WASF3: variants seen among roughly 807,000 people sequenced by gnomAD.
WASF3 encodes actin-binding protein WASF3.
A neutral mutation model predicts 46.6 loss-of-function variants in WASF3; 11 were observed. The observed-to-expected ratio is 0.24, with a 90% CI of 0.15 to 0.39. The LOEUF is 0.39. Ranked by LOEUF, WASF3 falls within the 10% of genes least tolerant of loss-of-function variation. The probability of loss-of-function intolerance (pLI) is 1.00; values close to 1 mark genes in which losing one functional copy is unlikely to be tolerated. For missense variants in WASF3, 576 were observed against 669.8 expected (o/e 0.86, Z 1.55); for synonymous variants, 242 against 259.7 (o/e 0.93, Z 0.65).
chr13:26,553,975 C>A (rs898655210), upstream of WASF3, among the ~76,000 whole-genome samples: 1 of 151,894 alleles, frequency 6.6e-6, no homozygotes, highest in Non-Finnish European at 1.5e-5. Flanking sequence ...GAAAACCTCC[C>A]CAAAACTTTT....
intron 1 of WASF3, among the ~76,000 whole-genome samples, chr13:26,583,871 AAGTAG>A (rs1880054225): frequency 6.6e-6 from 1 of 152,200 alleles, no homozygotes; most frequent in African/African-American, 2.4e-5. Flanking sequence ...GTTGCCACTC[AAGTAG>A]CCCAAAAAGG....
At chr13:26,557,540 G>T (rs182904328), upstream of WASF3, among the ~76,000 whole-genome samples, 1 of 152,108 alleles carries the variant, frequency 6.6e-6, no homozygotes, top group African/African-American at 2.4e-5. Flanking sequence ...CGCTCAGCGC[G>T]CTCGCCGGCT....
intron 2 of WASF3, among the ~76,000 whole-genome samples, chr13:26,630,728 T>G (rs1016919399): frequency 6.6e-6 from 1 of 152,248 alleles, no homozygotes; most frequent in African/African-American, 2.4e-5. Flanking sequence ...CCTTGAGGAA[T>G]CACCACACTG....
At chr13:26,623,910 A>T (rs1881386994) in intron 2 of WASF3, among the ~76,000 whole-genome samples, 1 of 152,228 alleles carries the variant, frequency 6.6e-6, no homozygotes, top group South Asian at 2.1e-4. Context: ...GGGGATTTTG[A>T]TGCTTGGTGT....
chr13:26,635,338 A>C (rs1370760632), intron 2 of WASF3, among the ~76,000 whole-genome samples: 1 of 152,186 alleles, frequency 6.6e-6, no homozygotes, highest in African/African-American at 2.4e-5. Context: ...CAGCTCCATC[A>C]GGTCATTTAA....
Position 26,685,735 on chromosome 13 carries a change from C to T in WASF3, c.1399C>T (p.Arg467Trp), listed in dbSNP as rs758369538. 5.7e-5 allele frequency: 92 copies of T among 1,612,304 alleles called. 1 individual carries two copies. Among genetic ancestry groups the T allele is most frequent in the Admixed American group, 1.0e-4 (6 of 59,944 alleles). ...VQEQREQEAKREPVGNDVATI... is the reference protein window; with the variant it reads ...VQEQREQEAKWEPVGNDVATI... ...GGAGCAGCGGGAGCAGGAGGCCAAG[C>T]GGGAGCCAGTGGGGAATGACGTGGC... The change falls in exon 10 of 10, where the codon CGG becomes TGG. Residue 467 changes from arginine (R) to tryptophan (W), a missense_variant. By Grantham distance (101) the Arg-to-Trp change is moderately radical. This residue lies in a region of WASF3 where 68 missense variants were observed against 100.3 expected (regional missense o/e 0.68). Transcript: ENST00000335327.
chr13:26,567,754 A>G (rs1327044938), intron 1 of WASF3, among the ~76,000 whole-genome samples: 2 of 151,850 alleles, frequency 1.3e-5, no homozygotes, highest in African/African-American at 2.4e-5. Flanking sequence ...TTTCTTTACT[A>G]TGCTTTCTTT....
At chr13:26,601,607 C>G (rs1880645239) in intron 1 of WASF3, among the ~76,000 whole-genome samples, 1 of 152,172 alleles carries the variant, frequency 6.6e-6, no homozygotes, top group Non-Finnish European at 1.5e-5. Context: ...TCTACAAGAG[C>G]AAATGAAGCT....
At chr13:26,666,252 G>A (rs1405464026) in intron 4 of WASF3, among the ~76,000 whole-genome samples, 1 of 152,118 alleles carries the variant, frequency 6.6e-6, no homozygotes, top group African/African-American at 2.4e-5. Flanking sequence ...AATCATTCAC[G>A]TTTTAAATTA....
At chr13:26,539,675 G>A in the WASF3 span, among the ~76,000 whole-genome samples, 1 of 152,106 alleles carries the variant, frequency 6.6e-6, no homozygotes, top group East Asian at 1.9e-4. Flanking sequence ...TGTCCTTTAC[G>A]CTGCTTCTAG....
chr13:26,600,375 G>A (rs74411818), intron 1 of WASF3, among the ~76,000 whole-genome samples: 11,725 of 152,244 alleles, frequency 0.077, 592 homozygotes, highest in Admixed American at 0.16. Context: ...TCCTTTGTTT[G>A]TAAAATGGGG....
chr13:26,643,651 G>A (rs539454341), intron 3 of WASF3, among the ~76,000 whole-genome samples: 1 of 152,166 alleles, frequency 6.6e-6, no homozygotes, highest in Non-Finnish European at 1.5e-5. Context: ...ATTTATTTTT[G>A]TAGGAATGCT....
At position 26,681,035 on chromosome 13, in the gene WASF3, T is replaced by A. The variant is rs749416255; in HGVS notation, c.717-19T>A. 1 of 1,583,462 alleles carries A rather than the reference T, an allele frequency of 6.3e-7. No homozygotes were observed. Among genetic ancestry groups the A allele is most frequent in the South Asian group, 1.1e-5 (1 of 88,742 alleles). On this transcript the variant is annotated intron_variant, in intron 7 of 9. Transcript: ENST00000335327. ...TAAATTAATTTAAATTTCTCCCACC[T>A]CTTGTTTTCAAATGCCAGGTCACAT...
intron 4 of WASF3, among the ~76,000 whole-genome samples, chr13:26,666,580 T>C (rs374131293): frequency 5.9e-5 from 9 of 152,170 alleles, no homozygotes; most frequent in African/African-American, 1.9e-4. Context: ...TAGCCTAGTC[T>C]GTCCACCTCA....
At chr13:26,583,169 TTAAG>T (rs894634363) in intron 1 of WASF3, among the ~76,000 whole-genome samples, 2 of 152,210 alleles carry the variant, frequency 1.3e-5, no homozygotes, top group African/African-American at 4.8e-5. Flanking sequence ...GATTTATGGG[TTAAG>T]TGTCTTTAGT....
Position 26,589,437 on chromosome 13 carries a change from G to A in WASF3, c.-108-23524G>A, listed in dbSNP as rs545578275. Among the ~76,000 whole-genome samples the A allele has an allele frequency of 2.0e-5, 3 of 152,326 alleles. No homozygotes were observed. In the East Asian group the frequency reaches 5.8e-4, roughly 29 times the overall value. ...TTTACTGCAAATTGAGCCCAGCAGG[G>A]ATGGGCAACCATATGGCTTAGAAAG... On this transcript the variant is annotated intron_variant, in intron 1 of 9. Transcript: ENST00000335327.
rs572528657 is a variant in WASF3, at chr13:26,593,562, T to C, written c.-108-19399T>C. The stretch of plus-strand genomic sequence containing the variant: ...GTAATTGATAATATTCTTTTGTCAC[T>C]GTTTTGTGTGCCTTAGCATTTATTT... On this transcript the variant is annotated intron_variant, in intron 1 of 9. Transcript: ENST00000335327. 2.1e-3 allele frequency among the ~76,000 whole-genome samples: 322 copies of C among 152,354 alleles called. 2 individuals carry two copies. The highest frequency in any genetic ancestry group is 7.5e-3 in the African/African-American group (312 of 41,586).
chr13:26,684,879 T>A (rs1883353040), intron 9 of WASF3, among the ~76,000 whole-genome samples: 1 of 152,152 alleles, frequency 6.6e-6, no homozygotes, highest in Admixed American at 6.5e-5. Context: ...AAAAAATGAA[T>A]GGATACCATC....
chr13:26,655,746 A>G (rs923623087), intron 3 of WASF3, among the ~76,000 whole-genome samples: 2 of 150,940 alleles, frequency 1.3e-5, no homozygotes, highest in Non-Finnish European at 2.9e-5. Flanking sequence ...GTATGGACTG[A>G]TGGATTATTT....
Sources: gnomAD v4.1 joint callset for allele counts (sites outside exome capture counted in the v4.1 genomes callset) on GRCh38, gnomAD v4.1.1 for gene constraint, gnomAD v4.1.1 regional missense constraint, MANE v1.5 for transcripts, NCBI Gene and HGNC (gene_info 2026-07-23, HGNC 2026-07-21) for gene names.